Variants in TSKS observed in about 807,000 individuals in gnomAD.
TSKS encodes testis specific serine kinase substrate.
Under a neutral mutation model 68.0 loss-of-function variants are expected in TSKS, and 27 were observed. That is an observed-to-expected ratio of 0.40 (90% CI 0.29 to 0.55). The LOEUF is 0.55. Among genes scored for constraint, TSKS ranks in the 20% least tolerant of loss-of-function variants. The pLI, the probability that TSKS is intolerant of heterozygous loss-of-function variation, is 0.53. For synonymous variants in TSKS, 331 were observed against 340.4 expected, an observed-to-expected ratio of 0.97 and a Z score of 0.30; for missense variants, 806 against 776.0, an observed-to-expected ratio of 1.04 and a Z score of -0.46.
In TSKS at chr19:49,745,416, G is replaced by T; in HGVS notation, c.993-20C>A. 6.6e-7 allele frequency: 1 copy of T among 1,514,364 alleles called. No homozygotes were observed. The highest frequency in any genetic ancestry group is 1.4e-5 in the African/African-American group (1 of 72,952). 93.8% of individuals were successfully genotyped at this position (1,514,364 alleles called of 1,614,324 possible). ...TCTCTCCTGGAGGGGCAGAGGAGGG[G>T]AATGGGTAGGGGCTAGGCTTCAACA... On this transcript the variant is annotated intron_variant, in intron 6 of 10. Coordinates refer to ENST00000246801, the MANE Select transcript of TSKS (RefSeq NM_021733.2).
Position 49,740,168 on chromosome 19 carries a change from C to T in TSKS, c.1513G>A (p.Ala505Thr). 6.2e-7 allele frequency: 1 copy of T among 1,613,078 alleles called. No homozygotes were observed. Among genetic ancestry groups the T allele is most frequent in the Non-Finnish European group, 8.5e-7 (1 of 1,179,814 alleles). ...TCTGCCCTGACGTGTTTGGCTAAGGCCTGGCGCTCCAGCTCCTGGGGAGAG... is the reference window on the plus strand; with the variant it reads ...TCTGCCCTGACGTGTTTGGCTAAGGTCTGGCGCTCCAGCTCCTGGGGAGAG... ...HKKILELERQ[A>T]LAKHVRAEAL... The change falls in exon 10 of 11, where the codon GCC (alanine) becomes ACC (threonine). Residue 505 changes from alanine (A) to threonine (T), a missense_variant. Ala to Thr is a moderately conservative substitution (Grantham distance 58). Transcript: ENST00000246801.
intron 4 of TSKS, 75 bp from the exon 5 acceptor site, chr19:49,747,547 C>T: frequency 1.3e-6 from 2 of 1,486,702 alleles, no homozygotes; most frequent in Non-Finnish European, 1.9e-6. Context: ...CTGTCTGTTT[C>T]CATCCAGGCT....
chr19:49,742,031 G>A lies in TSKS; in HGVS notation c.1362-11C>T, dbSNP rs1217806333. 5.6e-6 allele frequency: 9 copies of A among 1,613,022 alleles called. No individual in the cohort carries two copies. The highest frequency in any genetic ancestry group is 7.6e-6 in the Non-Finnish European group (9 of 1,179,920). ...AACTGCGACCCCTGGCTGGGGGAGG[G>A]GCGGTCACCAGATAAAGAGGCCCAG... On this transcript the variant is annotated splice_polypyrimidine_tract_variant and intron_variant, in intron 8 of 10. Coordinates refer to ENST00000246801, the MANE Select transcript of TSKS (RefSeq NM_021733.2).
chr19:49,748,601 C>CA, intron 2 of TSKS, 132 bp from the exon 3 acceptor site: 1 of 768,310 alleles, frequency 1.3e-6, no homozygotes, highest in Non-Finnish European at 2.2e-6. Context: ...GACTTGGAGC[C>CA]AAGGGCTATA....
chr19:49,740,769 G>A (rs1382968841), intron 9 of TSKS, among the ~76,000 whole-genome samples: 5 of 152,078 alleles, frequency 3.3e-5, no homozygotes, highest in Non-Finnish European at 7.3e-5. Flanking sequence ...CTGTAATCCT[G>A]GCTGCTCAGG....
intron 2 of TSKS, among the ~76,000 whole-genome samples, chr19:49,754,874 C>T (rs760437856): frequency 8.6e-5 from 13 of 151,904 alleles, no homozygotes; most frequent in East Asian, 1.9e-4. Context: ...CCAAGGCAGG[C>T]GGATCACGAG....
intron 2 of TSKS, among the ~76,000 whole-genome samples, chr19:49,758,164 T>G (rs1401146484): frequency 2.1e-5 from 3 of 144,402 alleles, no homozygotes; most frequent in Non-Finnish European, 3.0e-5. Flanking sequence ...TTCCCCTCTC[T>G]CTGGGTCTCT....
intron 1 of TSKS, among the ~76,000 whole-genome samples, chr19:49,762,739 TTTC>T (rs2084454184): frequency 6.6e-6 from 1 of 151,998 alleles, no homozygotes; most frequent in African/African-American, 2.4e-5. Context: ...CACTGTCTAC[TTTC>T]TTCTTCTCCT....
chr19:49,758,678 G>T (rs79720100), intron 2 of TSKS, among the ~76,000 whole-genome samples: 2 of 151,892 alleles, frequency 1.3e-5, no homozygotes, highest in African/African-American at 2.4e-5. Context: ...CTCCCCTCTG[G>T]CCTCCCTGCC....
chr19:49,748,786 G>A (rs750602145), intron 2 of TSKS, among the ~76,000 whole-genome samples: 4 of 152,024 alleles, frequency 2.6e-5, no homozygotes, highest in South Asian at 2.1e-4. Flanking sequence ...GTCCTTGGGG[G>A]CCAGGTGCCG....
At chr19:49,747,510 T>C in intron 4 of TSKS, 38 bp from the exon 5 acceptor site, 1 of 1,606,336 alleles carries the variant, frequency 6.2e-7, no homozygotes. Flanking sequence ...TGCCTTCCCA[T>C]TCCAGTTCTG....
rs1454847770 is a variant in TSKS at position 49,744,243 on chromosome 19, G to T, written c.1349C>A (p.Ala450Asp). The T allele has an allele frequency of 6.2e-7, 1 of 1,612,270 alleles. No homozygotes were observed. The highest frequency in any genetic ancestry group is 1.7e-5 in the Admixed American group (1 of 59,952). Residue 450 changes from alanine (A) to aspartate (D), a missense_variant, in exon 8 of 11, where the codon GCC (alanine) becomes GAC (aspartate). By Grantham distance (126) the Ala-to-Asp change is moderately radical (BLOSUM62 -2). Coordinates refer to ENST00000246801, the MANE Select transcript of TSKS (RefSeq NM_021733.2). The stretch of plus-strand genomic sequence containing the variant: ...CCAGCCCCGTTACCTGGCACAGCGG[G>T]CACAGTTGCCTTGGTGGGACCGATC... Reference protein sequence around the residue: ...NLDRSHQGNCARCASQGSQLS... With the variant: ...NLDRSHQGNCDRCASQGSQLS...
At position 49,762,706 on chromosome 19, in the gene TSKS, C is replaced by T. The variant is rs564236373; in HGVS notation, c.170+372G>A. Among the ~76,000 whole-genome samples, 3 of 152,154 alleles carry T rather than the reference C, an allele frequency of 2.0e-5. No homozygotes were observed. In the East Asian group the frequency reaches 5.8e-4, roughly 30 times the overall value. ...CCTCCCAAAGTGCTGGGATTACAGG[C>T]GTGAGCCACCGTGCCCGACCACCAC... On this transcript the variant is annotated intron_variant, in intron 1 of 10. Transcript: ENST00000246801.
intron 2 of TSKS, among the ~76,000 whole-genome samples, chr19:49,759,704 G>A (rs1476794367): frequency 2.0e-5 from 3 of 150,394 alleles, no homozygotes; most frequent in Admixed American, 2.0e-4. Flanking sequence ...GCACGGTGGT[G>A]TACACCTGCA....
At chr19:49,741,113 G>A (rs917823353) in intron 9 of TSKS, among the ~76,000 whole-genome samples, 2 of 152,098 alleles carry the variant, frequency 1.3e-5, no homozygotes, top group African/African-American at 2.4e-5. Flanking sequence ...AGGAGGCAGA[G>A]CTTGCAGTGA....
At chr19:49,740,972 A>T (rs2123595956) in intron 9 of TSKS, among the ~76,000 whole-genome samples, 1 of 152,086 alleles carries the variant, frequency 6.6e-6, no homozygotes, top group East Asian at 1.9e-4. Context: ...AGATCAGGAG[A>T]TCGAGATCAT....
chr19:49,745,303 G>C lies in TSKS; in HGVS notation c.1086C>G (p.Val362=), dbSNP rs370387022. Residue 362 remains valine, a synonymous_variant, in exon 7 of 11, where the codon GTC becomes GTG. Coordinates refer to ENST00000246801, the MANE Select transcript of TSKS (RefSeq NM_021733.2). ...LRLLGGLGGR[V]DGFLGQWERA... is the part of the protein sequence containing the mutation. Reference sequence around the variant, plus strand: ...GCTCCCACTGGCCTAGGAAGCCGTCGACCCTGCCGCCCAGGCCCCCGAGCA... The same window carrying C: ...GCTCCCACTGGCCTAGGAAGCCGTCCACCCTGCCGCCCAGGCCCCCGAGCA... 329 of 1,604,814 alleles carry C rather than the reference G, an allele frequency of 2.1e-4. No individual in the cohort carries two copies. The highest frequency in any genetic ancestry group is 2.6e-4 in the Non-Finnish European group (312 of 1,179,426).
Position 49,741,975 on chromosome 19 carries a change from G to T in TSKS, c.1407C>A (p.Asp469Glu), listed in dbSNP as rs1205917247. The stretch of plus-strand genomic sequence containing the variant: ...CGTCCACTAGTGAGGTCAGTGCTCG[G>T]TCCAGCAGCTGCTGCAGGGACTCCG... Reference protein sequence around the residue: ...LSTESLQQLLDRALTSLVDEV... With the variant: ...LSTESLQQLLERALTSLVDEV... Residue 469 changes from aspartate to glutamate, a missense_variant, in exon 9 of 11, where the codon GAC (aspartate) becomes GAA (glutamate). By Grantham distance (45) the Asp-to-Glu change is conservative. Transcript: ENST00000246801. The T allele has an allele frequency of 6.2e-7, 1 of 1,614,192 alleles. No homozygotes were observed. The highest frequency in any genetic ancestry group is 1.7e-5 in the Admixed American group (1 of 60,020).
chr19:49,760,081 G>C (rs2084428020), intron 2 of TSKS, among the ~76,000 whole-genome samples: 1 of 151,956 alleles, frequency 6.6e-6, no homozygotes, highest in Admixed American at 6.6e-5. Flanking sequence ...AACCCAAGAG[G>C]TGGAGTTTGC....
Sources: gnomAD v4.1 joint callset for allele counts (sites outside exome capture counted in the v4.1 genomes callset) on GRCh38, gnomAD v4.1.1 for gene constraint, MANE v1.5 for transcripts, NCBI Gene and HGNC (gene_info 2026-07-23, HGNC 2026-07-21) for gene names.